LMNB2: variants seen among roughly 807,000 people sequenced by gnomAD.
LMNB2 encodes the protein lamin B2, also known as lamin-B2.
LMNB2 carries 17 observed loss-of-function variants against 69.3 expected under a neutral mutation model. That is an observed-to-expected ratio of 0.25 (90% CI 0.17 to 0.37). LMNB2 has a LOEUF of 0.37. LMNB2 is among the 10% of genes least tolerant of loss of function. The probability of loss-of-function intolerance (pLI) is 1.00; values close to 1 mark genes in which losing one functional copy is unlikely to be tolerated. For synonymous variants in LMNB2, 397 were observed against 389.3 expected (o/e 1.02, Z -0.23); for missense variants, 789 against 883.6 (o/e 0.89, Z 1.36).
intron 1 of LMNB2, among the ~76,000 whole-genome samples, chr19:2,445,854 G>A (rs1331815086): frequency 1.1e-5 from 1 of 91,056 alleles, no homozygotes; most frequent in Non-Finnish European, 2.1e-5. Context: ...TGTAGTCAGA[G>A]TCCCCAACTC....
Position 2,434,904 on chromosome 19 carries a change from C to T in LMNB2, c.865G>A (p.Ala289Thr), listed in dbSNP as rs772843683. Residue 289 changes from alanine (A) to threonine (T), a missense_variant, in exon 6 of 12, where the codon GCC becomes ACC. Physicochemically the swap from Ala to Thr is moderately conservative, Grantham distance 58. This residue lies in a region of LMNB2 where 609 missense variants were observed against 630.9 expected (regional missense o/e 0.97). Coordinates refer to ENST00000325327, the MANE Select transcript of LMNB2 (RefSeq NM_032737.4). The stretch of plus-strand genomic sequence containing the variant: ...TCGTTCTGGTCAGAGCTCAGCTTGG[C>T]GCTGTCCAGCTGTGGGGAGACGGGC... ...EQTYQAKLDS[A>T]KLSSDQNDKA... 2.5e-6 allele frequency: 4 copies of T among 1,603,962 alleles called. No homozygotes were observed. The highest frequency in any genetic ancestry group is 1.7e-5 in the Admixed American group (1 of 59,790).
rs770985876 is a variant in LMNB2 at position 2,435,149 on chromosome 19, C to T, written c.707G>A (p.Arg236Gln). Residue 236 changes from arginine (R) to glutamine (Q), a missense_variant, in exon 5 of 12, where the codon CGG becomes CAG. Arg to Gln is a conservative substitution (Grantham distance 43). Coordinates refer to ENST00000325327, the MANE Select transcript of LMNB2 (RefSeq NM_032737.4). ...CACCTCCACCAGGCGCCGCTCGTGC[C>T]GCCGCCGCGTCTCCCGCACCTCCTG... is the stretch of plus-strand genomic sequence containing the variant. The part of the protein sequence containing the change: ...FEEEVRETRR[R>Q]HERRLVEVDS... The T allele has an allele frequency of 1.6e-5, 25 of 1,603,794 alleles. No homozygotes were observed. The highest frequency in any genetic ancestry group is 1.7e-5 in the Non-Finnish European group (20 of 1,179,560).
In LMNB2 at chr19:2,443,551, T is replaced by G. The variant is rs1166303945; in HGVS notation, c.401+853A>C. Reference sequence around the variant, plus strand: ...ATGCTGAGCCAGGCCTGCGTGGCTCTGGGAGAATGAGCAGTGTGGGAAGAC... The same window carrying G: ...ATGCTGAGCCAGGCCTGCGTGGCTCGGGGAGAATGAGCAGTGTGGGAAGAC... On this transcript the variant is annotated intron_variant, in intron 2 of 11. Transcript: ENST00000325327. This position sits in a 1 kb window ranked among gnomAD's most constrained non-coding sequence, Gnocchi z 6.2. 6.6e-6 allele frequency among the ~76,000 whole-genome samples: 1 copy of G among 152,140 alleles called. No individual in the cohort carries two copies. Among genetic ancestry groups the G allele is most frequent in the African/African-American group, 2.4e-5 (1 of 41,430 alleles).
intron 4 of LMNB2, among the ~76,000 whole-genome samples, chr19:2,436,607 A>C (rs1465260156): frequency 2.4e-5 from 2 of 84,320 alleles, no homozygotes; most frequent in Non-Finnish European, 2.4e-5. Flanking sequence ...CCGCTCACCC[A>C]CCTGCACTGC....
chr19:2,434,216 C>A, intron 7 of LMNB2, 79 bp downstream of exon 7: 1 of 1,556,004 alleles, frequency 6.4e-7, no homozygotes, highest in Non-Finnish European at 8.7e-7. Context: ...CCAGCACTCC[C>A]CGCAGCCCCG....
rs924766617 is a variant in LMNB2 at position 2,443,875 on chromosome 19, A to G, written c.401+529T>C. Among the ~76,000 whole-genome samples the G allele has an allele frequency of 5.3e-5, 8 of 152,162 alleles. No individual in the cohort carries two copies. The highest frequency in any genetic ancestry group is 1.2e-4 in the Non-Finnish European group (8 of 68,014). On this transcript the variant is annotated intron_variant, in intron 2 of 11. Coordinates refer to ENST00000325327, the MANE Select transcript of LMNB2 (RefSeq NM_032737.4). The surrounding 1 kb of genome is among the most constrained non-coding windows in gnomAD (Gnocchi z 6.2). ...GGAGATCGTTTCTGCCGATGGACAC[A>G]GTTGTCACCCAGAAGGACTTTGCAG...
In LMNB2 at chr19:2,433,391, A is replaced by G. The variant is rs12974271; in HGVS notation, c.1482+435T>C. Reference sequence around the variant, plus strand: ...GGTCACCCCGTTACCCCCATGCCCCAGTCATTCCGGTCACCTTGTCCCCTG... The same window carrying G: ...GGTCACCCCGTTACCCCCATGCCCCGGTCATTCCGGTCACCTTGTCCCCTG... On this transcript the variant is annotated intron_variant, in intron 8 of 11. Coordinates refer to ENST00000325327, the MANE Select transcript of LMNB2 (RefSeq NM_032737.4). Among the ~76,000 whole-genome samples the G allele has an allele frequency of 1.7e-3, 41 of 24,358 alleles. 2 individuals are homozygous for G. Among genetic ancestry groups the G allele is most frequent in the Admixed American group, 1.8e-3 (4 of 2,164 alleles). The allele number at this position is 24,358 out of a possible 152,430, so 16.0% of individuals were successfully genotyped here.
intron 9 of LMNB2, 35 bp downstream of exon 9, chr19:2,432,381 C>T (rs754308624): frequency 3.9e-6 from 6 of 1,549,946 alleles, no homozygotes; most frequent in Admixed American, 1.7e-5. Context: ...ACACCCCATC[C>T]GTGGCCACCC....
chr19:2,432,309 G>A, intron 9 of LMNB2, 107 bp downstream of exon 9: 1 of 898,526 alleles, frequency 1.1e-6, no homozygotes, highest in Non-Finnish European at 1.8e-6. Context: ...GGTGCCTGGT[G>A]CCACCATCAT....
At chr19:2,450,684 C>A (rs1160250685) in intron 1 of LMNB2, among the ~76,000 whole-genome samples, 18 of 151,982 alleles carry the variant, frequency 1.2e-4, no homozygotes, top group Admixed American at 1.0e-3. Flanking sequence ...GTTGCCCAGG[C>A]TGGAGTGCAG....
chr19:2,451,565 C>T (rs1367841763), intron 1 of LMNB2, among the ~76,000 whole-genome samples: 2 of 152,166 alleles, frequency 1.3e-5, no homozygotes, highest in Non-Finnish European at 1.5e-5. Flanking sequence ...GCAGGACGGC[C>T]TCCTTGTGCT....
At chr19:2,432,173 C>CG (rs1971748721) in intron 9 of LMNB2, among the ~76,000 whole-genome samples, 1 of 152,088 alleles carries the variant, frequency 6.6e-6, no homozygotes, top group Non-Finnish European at 1.5e-5. Flanking sequence ...TAACACTTCA[C>CG]GGGGACGCCT....
intron 7 of LMNB2, 56 bp downstream of exon 7, chr19:2,434,222 CCCCGTCCCGCCTCTCCT>C (rs1568201990): frequency 6.4e-7 from 1 of 1,564,732 alleles, no homozygotes; most frequent in Non-Finnish European, 8.6e-7. Context: ...CTCCCCGCAG[CCCCGTCCCGCCTCTCCT>C]CCTGCCCTGC....
At chr19:2,452,757 C>A (rs1972038995) in intron 1 of LMNB2, among the ~76,000 whole-genome samples, 1 of 151,632 alleles carries the variant, frequency 6.6e-6, no homozygotes, top group Non-Finnish European at 1.5e-5. Flanking sequence ...TGTGTGAGGA[C>A]CTCGGGGGCC....
chr19:2,451,399 T>C (rs1449334871), intron 1 of LMNB2, among the ~76,000 whole-genome samples: 1 of 152,248 alleles, frequency 6.6e-6, no homozygotes, highest in African/African-American at 2.4e-5. Context: ...TTTCATCCTA[T>C]GGCAGAGCTG....
At position 2,444,263 on chromosome 19, in the gene LMNB2, G is replaced by T. The variant is rs1007460763; in HGVS notation, c.401+141C>A. 3.1e-6 allele frequency: 3 copies of T among 968,390 alleles called. No homozygotes were observed. In the South Asian group the frequency reaches 4.1e-5, roughly 13 times the overall value. The allele number at this position is 968,390 out of a possible 1,614,324, so 60.0% of individuals were successfully genotyped here. On this transcript the variant is annotated intron_variant, in intron 2 of 11. Transcript: ENST00000325327. Reference sequence around the variant, plus strand: ...AAAAAGTGACGTGGCAGCCACTGGTGGGGGAGAGAGGATGGGAGCTGTGAG... The same window carrying T: ...AAAAAGTGACGTGGCAGCCACTGGTTGGGGAGAGAGGATGGGAGCTGTGAG...
In LMNB2 at chr19:2,433,333, C is replaced by T. The variant is rs557932351; in HGVS notation, c.1482+493G>A. Among the ~76,000 whole-genome samples the T allele has an allele frequency of 3.8e-3, 78 of 20,378 alleles. 3 individuals carry two copies. The highest frequency in any genetic ancestry group is 5.0e-3 in the Non-Finnish European group (51 of 10,270). The allele number at this position is 20,378 out of a possible 152,430, so 13.4% of individuals were successfully genotyped here. ...CCTGCCTCGTATTGGCCGGCGGCCC[C>T]GTCACCCTGACCCTGATCACCCCCA... On this transcript the variant is annotated intron_variant, in intron 8 of 11. Transcript: ENST00000325327.
chr19:2,434,180 C>T lies in LMNB2; in HGVS notation c.1203-75G>A, dbSNP rs561954014. ...CCCAGGGCACGCAGAGTGGCGGCCA[C>T]GGCCCGGCCCCACCTCCACCCCTGC... On this transcript the variant is annotated intron_variant, in intron 7 of 11. Coordinates refer to ENST00000325327, the MANE Select transcript of LMNB2 (RefSeq NM_032737.4). 318 of 1,539,206 alleles carry T rather than the reference C, an allele frequency of 2.1e-4. No individual in the cohort carries two copies. In the African/African-American group the frequency reaches 3.6e-3, roughly 17 times the overall value.
In LMNB2 at chr19:2,430,816, C is replaced by T; in HGVS notation, c.*95G>A. 1 of 915,934 alleles carries T rather than the reference C, an allele frequency of 1.1e-6. No individual in the cohort carries two copies. Among genetic ancestry groups the T allele is most frequent in the South Asian group, 1.3e-5 (1 of 76,766 alleles). The allele number at this position is 915,934 out of a possible 1,614,324, so 56.7% of individuals were successfully genotyped here. ...TTCTGGCAGTTCGCTTAGAAATTCT[C>T]TAGAAATGTATCAAGAACTAAAGAA... is the stretch of plus-strand genomic sequence containing the variant. On this transcript the variant is annotated 3_prime_UTR_variant, in exon 12 of 12. Transcript: ENST00000325327.
Sources: gnomAD v4.1 joint callset for allele counts (sites outside exome capture counted in the v4.1 genomes callset) on GRCh38, gnomAD v4.1.1 for gene constraint, gnomAD v4.1.1 regional missense constraint, Gnocchi (gnomAD v3.1) non-coding constraint, MANE v1.5 for transcripts, NCBI Gene and HGNC (gene_info 2026-07-23, HGNC 2026-07-21) for gene names.